FILIP1L: variants seen among roughly 807,000 people sequenced by gnomAD.
The protein encoded by FILIP1L is filamin A-interacting protein 1-like.
Under a neutral mutation model 96.6 loss-of-function variants are expected in FILIP1L, and 55 were observed. The ratio of observed to expected loss-of-function variants is 0.57; its 90% confidence interval spans 0.46 to 0.71. FILIP1L has a LOEUF of 0.71. Ranked by LOEUF, FILIP1L falls within the 30% of genes least tolerant of loss-of-function variation. The probability of loss-of-function intolerance (pLI) is 0.00; values close to 1 mark genes in which losing one functional copy is unlikely to be tolerated. For missense variants in FILIP1L, 1,304 were observed against 1,321.2 expected, an observed-to-expected ratio of 0.99 and a Z score of 0.20; for synonymous variants, 467 against 473.9, an observed-to-expected ratio of 0.99 and a Z score of 0.19.
chr3:99,836,596 T>C (rs528740025), intron 5 of FILIP1L, among the ~76,000 whole-genome samples: 15 of 152,298 alleles, frequency 9.8e-5, no homozygotes, highest in Middle Eastern at 3.4e-3. Context: ...TCTACATCCC[T>C]TTCCCAGAGC....
chr3:99,884,106 T>TAA (rs1705819259), intron 4 of FILIP1L, among the ~76,000 whole-genome samples: 1 of 152,198 alleles, frequency 6.6e-6, no homozygotes, highest in African/African-American at 2.4e-5. Flanking sequence ...GCAGCCCTTA[T>TAA]AGTTCATGGA....
At chr3:100,093,086 T>A (rs2066141238) in intron 1 of FILIP1L, among the ~76,000 whole-genome samples, 1 of 151,710 alleles carries the variant, frequency 6.6e-6, no homozygotes, top group Admixed American at 6.6e-5. Context: ...ATGGAAAAAA[T>A]TGAAGTGTAA....
chr3:99,883,413 C>A (rs1257065520), intron 4 of FILIP1L, among the ~76,000 whole-genome samples: 2 of 152,188 alleles, frequency 1.3e-5, no homozygotes, highest in East Asian at 1.9e-4. Flanking sequence ...TCTTTTCACA[C>A]CCTGTGTCCA....
chr3:100,001,899 G>A (rs138214681), intron 1 of FILIP1L, among the ~76,000 whole-genome samples: 44 of 152,254 alleles, frequency 2.9e-4, no homozygotes, highest in Non-Finnish European at 5.3e-4. Context: ...ATAGAAGGTC[G>A]GGGACCCAAC....
At chr3:99,908,643 G>T (rs556606064) in intron 4 of FILIP1L, among the ~76,000 whole-genome samples, 5 of 152,208 alleles carry the variant, frequency 3.3e-5, no homozygotes, top group African/African-American at 9.6e-5. Flanking sequence ...CTTCTTCAGG[G>T]TGATTATCTG....
chr3:99,857,186 G>A (rs1176712034), intron 4 of FILIP1L, among the ~76,000 whole-genome samples: 1 of 147,974 alleles, frequency 6.8e-6, no homozygotes, highest in African/African-American at 2.6e-5. Flanking sequence ...CTATTTAAGA[G>A]GATGCTCTAA....
intron 4 of FILIP1L, among the ~76,000 whole-genome samples, chr3:99,904,463 A>G (rs999636963): frequency 4.6e-5 from 7 of 152,348 alleles, no homozygotes; most frequent in African/African-American, 1.7e-4. Flanking sequence ...GAGCTTTTTA[A>G]AAATATATTT....
chr3:99,837,170 T>C (rs548417951), intron 5 of FILIP1L, among the ~76,000 whole-genome samples: 2 of 152,334 alleles, frequency 1.3e-5, no homozygotes, highest in African/African-American at 2.4e-5. Flanking sequence ...GGGCTGCTTA[T>C]ATAAATTACT....
intron 4 of FILIP1L, among the ~76,000 whole-genome samples, chr3:99,875,750 C>T (rs970738170): frequency 5.9e-5 from 9 of 152,164 alleles, no homozygotes; most frequent in African/African-American, 1.7e-4. Context: ...TAGTCTCCCC[C>T]ACCCTTTCCC....
At chr3:100,072,209 A>G (rs146595172) in intron 1 of FILIP1L, among the ~76,000 whole-genome samples, 1 of 152,252 alleles carries the variant, frequency 6.6e-6, no homozygotes, top group East Asian at 1.9e-4. Flanking sequence ...CTCATGTGCC[A>G]AAGTCTTTCA....
intron 4 of FILIP1L, chr3:99,875,953 G>GAA: frequency 1.5e-6 from 1 of 671,458 alleles, no homozygotes; most frequent in Non-Finnish European, 1.8e-6. Flanking sequence ...GATGCGCTTT[G>GAA]CGAAACCTGT....
chr3:99,965,485 A>C (rs576572170), intron 1 of FILIP1L, among the ~76,000 whole-genome samples: 1 of 152,306 alleles, frequency 6.6e-6, no homozygotes, highest in East Asian at 1.9e-4. Context: ...GATAAATGTT[A>C]AATTTGTAGC....
chr3:99,927,911 C>T (rs943582017), intron 3 of FILIP1L, among the ~76,000 whole-genome samples: 1 of 152,036 alleles, frequency 6.6e-6, no homozygotes, highest in African/African-American at 2.4e-5. Flanking sequence ...GTGTTCCTGT[C>T]GTGTCATGTA....
At chr3:99,885,644 T>A (rs1211931588) in intron 4 of FILIP1L, among the ~76,000 whole-genome samples, 1 of 152,244 alleles carries the variant, frequency 6.6e-6, no homozygotes, top group South Asian at 2.1e-4. Context: ...GCTGACTGAC[T>A]TTTAGTTAAA....
intron 1 of FILIP1L, among the ~76,000 whole-genome samples, chr3:100,090,981 T>C (rs2066094412): frequency 6.6e-6 from 1 of 152,172 alleles, no homozygotes; most frequent in South Asian, 2.1e-4. Flanking sequence ...TTGGAAAATG[T>C]CATTCCTGAA....
chr3:99,830,880 A>G (rs1354747530), intron 5 of FILIP1L, among the ~76,000 whole-genome samples: 1 of 152,236 alleles, frequency 6.6e-6, no homozygotes, highest in Non-Finnish European at 1.5e-5. Flanking sequence ...TAGGACATAT[A>G]CAAGAGTAGT....
chr3:100,105,308 G>C (rs777662893), intron 1 of FILIP1L, among the ~76,000 whole-genome samples: 1 of 152,130 alleles, frequency 6.6e-6, no homozygotes, highest in African/African-American at 2.4e-5. Flanking sequence ...AGTTTGTTAA[G>C]TACTCAGGAA....
intron 1 of FILIP1L, among the ~76,000 whole-genome samples, chr3:99,957,719 T>TTTTTTTTTTTTTTTTTTTTTC (rs1708371635): frequency 7.1e-6 from 1 of 140,192 alleles, no homozygotes; most frequent in Non-Finnish European, 1.5e-5. Context: ...TTTTTTTTTT[T>TTTTTTTTTTTTTTTTTTTTTC]TTGGTGTGTG....
rs760086015 is a variant in FILIP1L at position 100,074,106 on chromosome 3, C to T, written c.-11+39947G>A. The stretch of plus-strand genomic sequence containing the variant: ...TCCTCCACAACTGGAAAATATGAGG[C>T]AGATCTTGTTTATGTATGCTGTAAC... On this transcript the variant is annotated intron_variant, in intron 1 of 5. Transcript: ENST00000477258. 1.5e-4 allele frequency among the ~76,000 whole-genome samples: 23 copies of T among 152,104 alleles called. 1 individual carries two copies. The highest frequency in any genetic ancestry group is 3.1e-4 in the Non-Finnish European group (21 of 68,018).
Sources: gnomAD v4.1 joint callset for allele counts (sites outside exome capture counted in the v4.1 genomes callset) on GRCh38, gnomAD v4.1.1 for gene constraint, MANE v1.5 for transcripts, NCBI Gene and HGNC (gene_info 2026-07-23, HGNC 2026-07-21) for gene names.